ABR: variants seen among roughly 807,000 people sequenced by gnomAD.
The protein encoded by ABR is ABR activator of RhoGEF and GTPase, also known as active breakpoint cluster region-related protein.
A neutral mutation model predicts 107.2 loss-of-function variants in ABR; 35 were observed. The ratio of observed to expected loss-of-function variants is 0.33; its 90% CI spans 0.25 to 0.43. The LOEUF (loss-of-function observed/expected upper bound fraction) is 0.43, where lower values mean the gene tolerates loss of function less well. Among genes scored for constraint, ABR ranks in the 20% least tolerant of loss-of-function variants. ABR has a pLI of 1.00. For synonymous variants in ABR, 498 were observed against 462.0 expected (o/e 1.08, Z -1.00); for missense variants, 815 against 1,115.2 (o/e 0.73, Z 3.83).
intron 3 of ABR, among the ~76,000 whole-genome samples, chr17:1,096,784 TG>T (rs1329456408): frequency 3.1e-5 from 2 of 64,692 alleles, no homozygotes; most frequent in South Asian, 5.6e-4. Context: ...TGGAGAGAGC[TG>T]GGGGAAGTGG....
chr17:1,041,636 G>C (rs1285971734), intron 16 of ABR, among the ~76,000 whole-genome samples: 2 of 152,196 alleles, frequency 1.3e-5, no homozygotes, highest in Non-Finnish European at 2.9e-5. Flanking sequence ...AGGAGACTGA[G>C]ACAGGAGAAT....
At chr17:1,033,696 C>T (rs1003741546) in intron 16 of ABR, among the ~76,000 whole-genome samples, 11 of 152,306 alleles carry the variant, frequency 7.2e-5, no homozygotes, top group Non-Finnish European at 1.6e-4. Flanking sequence ...ACGGTGCACA[C>T]GGAACTTCCT....
intron 1 of ABR, among the ~76,000 whole-genome samples, chr17:1,220,709 A>G (rs2043104879): frequency 6.6e-6 from 1 of 152,204 alleles, no homozygotes; most frequent in South Asian, 2.1e-4. Context: ...CAAAACCAGA[A>G]CAAGCTAAAA....
chr17:1,035,014 G>A (rs369751632), intron 16 of ABR, among the ~76,000 whole-genome samples: 9 of 151,968 alleles, frequency 5.9e-5, no homozygotes, highest in South Asian at 2.1e-4. Flanking sequence ...AAGTGCCTTC[G>A]CAGATGGGTA....
intron 18 of ABR, chr17:1,012,355 C>T (rs764499893): frequency 9.6e-5 from 62 of 646,394 alleles, no homozygotes; most frequent in South Asian, 4.2e-4. Context: ...CCGGGGGACA[C>T]GTGCCCTTTC....
intron 1 of ABR, among the ~76,000 whole-genome samples, chr17:1,223,456 G>C (rs986930760): frequency 1.3e-5 from 2 of 152,138 alleles, no homozygotes; most frequent in Admixed American, 1.3e-4. Flanking sequence ...GTACAGCTTG[G>C]TGTGCGAAAG....
At chr17:1,167,079 TC>T (rs1209710459) in intron 1 of ABR, among the ~76,000 whole-genome samples, 2 of 151,932 alleles carry the variant, frequency 1.3e-5, no homozygotes, top group Non-Finnish European at 2.9e-5. Flanking sequence ...TGCATGTCCA[TC>T]ATGGCACGGG....
Position 1,179,813 on chromosome 17 carries a change from G to A in ABR, c.-86C>T. ...GAGCGGGCGGGAGCCGGGGGAGGCC[G>A]AAGTTGCGAGCGCGGAGGGGCGAGG... On this transcript the variant is annotated 5_prime_UTR_variant, in exon 1 of 23. Transcript: ENST00000302538. The surrounding 1 kb of genome is among the most constrained non-coding windows in gnomAD (Gnocchi z 4.9). The A allele has an allele frequency of 1.5e-6, 2 of 1,308,484 alleles. No homozygotes were observed. Among genetic ancestry groups the A allele is most frequent in the Non-Finnish European group, 2.0e-6 (2 of 1,004,382 alleles). The allele number at this position is 1,308,484 out of a possible 1,614,324, so 81.1% of individuals were successfully genotyped here.
At chr17:1,120,217 G>A (rs1467100059) in intron 2 of ABR, among the ~76,000 whole-genome samples, 1 of 152,100 alleles carries the variant, frequency 6.6e-6, no homozygotes, top group Non-Finnish European at 1.5e-5. Flanking sequence ...TGTGATGAGG[G>A]GGAGGAGGAG....
intron 7 of ABR, among the ~76,000 whole-genome samples, 155 bp downstream of exon 7, chr17:1,073,462 CTGGCGGCA>C (rs1428994000): frequency 6.6e-6 from 1 of 152,088 alleles, no homozygotes; most frequent in Non-Finnish European, 1.5e-5. Flanking sequence ...AGGCCCTAGC[CTGGCGGCA>C]TGGATACCGC....
chr17:1,138,677 C>T (rs1226786564), intron 1 of ABR, among the ~76,000 whole-genome samples: 1 of 152,054 alleles, frequency 6.6e-6, no homozygotes, highest in Admixed American at 6.6e-5. Flanking sequence ...CAGGGTCTTG[C>T]TATGTGGGCC....
chr17:1,150,014 C>T lies in ABR; in HGVS notation c.62-24647G>A, dbSNP rs188210491. On this transcript the variant is annotated intron_variant, in intron 1 of 22. Transcript: ENST00000302538. The surrounding 1 kb of genome is among the most constrained non-coding windows in gnomAD (Gnocchi z 4.8). ...GAACAGGGCCTGGCACGTGGTATAA[C>T]GTTAGTGGCTGTTATTGTCGTCACT... is the stretch of plus-strand genomic sequence containing the variant. Among the ~76,000 whole-genome samples the T allele has an allele frequency of 3.8e-4, 58 of 152,222 alleles. No individual in the cohort carries two copies. Among genetic ancestry groups the T allele is most frequent in the Middle Eastern group, 3.4e-3 (1 of 294 alleles).
rs560924022 is a variant in ABR at position 1,017,286 on chromosome 17, T to A, written c.1792-4122A>T. On this transcript the variant is annotated intron_variant, in intron 16 of 22. Transcript: ENST00000302538. ...AGCTGCTTCTGTTCTTTGCAAACCC[T>A]CCTGGATCACACAGGCTGTCCCTCG... Among the ~76,000 whole-genome samples, 7 of 152,082 alleles carry A rather than the reference T, an allele frequency of 4.6e-5. No individual in the cohort carries two copies. The South Asian group carries it at 1.5e-3, about 32-fold the overall frequency.
At chr17:1,054,995 G>A (rs371701071) in intron 14 of ABR, among the ~76,000 whole-genome samples, 26 of 152,146 alleles carry the variant, frequency 1.7e-4, no homozygotes, top group African/African-American at 5.8e-4. Context: ...TCTGTGACTC[G>A]GTTACCTCCT....
intron 1 of ABR, among the ~76,000 whole-genome samples, chr17:1,226,005 C>A (rs9330554): frequency 6.6e-6 from 1 of 152,088 alleles, no homozygotes; most frequent in South Asian, 2.1e-4. Context: ...CGCATAGAAC[C>A]GAAACGGAGT....
rs2041108778 is a variant in ABR, at chr17:1,157,829, C to A, written c.61+21838G>T. On this transcript the variant is annotated intron_variant, in intron 1 of 22. Transcript: ENST00000302538. This position sits in a 1 kb window ranked among gnomAD's most constrained non-coding sequence, Gnocchi z 4.7. ...AGGCAGACCCACGATGGGGTGCACT[C>A]AGCCCCGTATCATTCATGCTGCAGG... 6.6e-6 allele frequency among the ~76,000 whole-genome samples: 1 copy of A among 152,242 alleles called. No homozygotes were observed. The highest frequency in any genetic ancestry group is 2.4e-5 in the African/African-American group (1 of 41,470).
At chr17:1,192,705 G>C (rs1195741984) in intron 1 of ABR, among the ~76,000 whole-genome samples, 1 of 152,160 alleles carries the variant, frequency 6.6e-6, no homozygotes, top group Non-Finnish European at 1.5e-5. Context: ...CCGAGGCCAC[G>C]AGTTCAAGAC....
At chr17:1,163,217 T>C (rs1473656417) in intron 1 of ABR, among the ~76,000 whole-genome samples, 3 of 152,244 alleles carry the variant, frequency 2.0e-5, no homozygotes, top group Non-Finnish European at 4.4e-5. Context: ...TGCAACAGTG[T>C]AGGACACACA....
intron 3 of ABR, among the ~76,000 whole-genome samples, chr17:1,095,940 G>A (rs371709934): frequency 1.6e-4 from 24 of 152,328 alleles, no homozygotes; most frequent in African/African-American, 5.5e-4. Context: ...GCGATGCAGC[G>A]TGGCCAGGAG....
Sources: gnomAD v4.1 joint callset for allele counts (sites outside exome capture counted in the v4.1 genomes callset) on GRCh38, gnomAD v4.1.1 for gene constraint, Gnocchi (gnomAD v3.1) non-coding constraint, MANE v1.5 for transcripts, NCBI Gene and HGNC (gene_info 2026-07-23, HGNC 2026-07-21) for gene names.